ANO5: variants seen among roughly 807,000 people sequenced by gnomAD.
ANO5 encodes anoctamin 5.
A neutral mutation model predicts 121.0 loss-of-function variants in ANO5; 109 were observed. The ratio of observed to expected loss-of-function variants is 0.90; its 90% CI spans 0.77 to 1.06. The LOEUF (loss-of-function observed/expected upper bound fraction) is 1.06, where lower values mean the gene tolerates loss of function less well. Ranked by LOEUF, ANO5 falls within the 50% of genes least tolerant of loss-of-function variation. The pLI is 0.00. For missense variants in ANO5, 1,064 were observed against 1,078.5 expected, an observed-to-expected ratio of 0.99 and a Z score of 0.19; for synonymous variants, 406 against 359.9, an observed-to-expected ratio of 1.13 and a Z score of -1.45.
chr11:22,209,310 A>G (rs1590221712), intron 2 of ANO5, among the ~76,000 whole-genome samples: 1 of 151,920 alleles, frequency 6.6e-6, no homozygotes, highest in South Asian at 2.1e-4. Context: ...CATGATCACT[A>G]GAAAGTAACA....
At chr11:22,241,672 T>C (rs1216774463) in intron 9 of ANO5, among the ~76,000 whole-genome samples, 1 of 152,110 alleles carries the variant, frequency 6.6e-6, no homozygotes, top group African/African-American at 2.4e-5. Flanking sequence ...CATATGTTTG[T>C]TGGCTGCTTG....
rs777846432 is a variant in ANO5, at chr11:22,279,552, G to A, written c.2529G>A (p.Val843=). Reference sequence around the variant, plus strand: ...CTTTATATTTCCTCTAGCATGTTGTGTTTTTAGTTAAATTTTTGCTGGCCT... The same window carrying A: ...CTTTATATTTCCTCTAGCATGTTGTATTTTTAGTTAAATTTTTGCTGGCCT... ...MTFIIVMEHV[V]FLVKFLLAWM... Residue 843 remains valine (V), a synonymous_variant, in exon 22 of 22, where the codon GTG becomes GTA. Transcript: ENST00000324559. The A allele has an allele frequency of 1.9e-6, 3 of 1,611,016 alleles. No homozygotes were observed. Among genetic ancestry groups the A allele is most frequent in the East Asian group, 4.5e-5 (2 of 44,824 alleles).
chr11:22,239,655 C>T lies in ANO5; in HGVS notation c.849C>T (p.Phe283=). The change falls in exon 9 of 22, where the codon TTC becomes TTT. Residue 283 remains phenylalanine, a synonymous_variant. Transcript: ENST00000324559. ...AGAATTGGGCTCGATTTTCCTATTT[C>T]TACAAGGAGCAGCCTTTAGACTTGA... ...LHQNWARFSY[F]YKEQPLDLIK... The T allele has an allele frequency of 6.2e-7, 1 of 1,610,930 alleles. No individual in the cohort carries two copies. The highest frequency in any genetic ancestry group is 8.5e-7 in the Non-Finnish European group (1 of 1,177,348).
intron 17 of ANO5, among the ~76,000 whole-genome samples, chr11:22,265,698 C>A (rs991757237): frequency 1.3e-5 from 2 of 151,978 alleles, no homozygotes; most frequent in Non-Finnish European, 1.5e-5. Flanking sequence ...TTATTATAAT[C>A]AAAATATCAG....
intron 3 of ANO5, among the ~76,000 whole-genome samples, chr11:22,216,660 G>C (rs751496286): frequency 6.6e-6 from 1 of 151,774 alleles, no homozygotes; most frequent in African/African-American, 2.4e-5. Context: ...CGTTTACATA[G>C]TGTTTTTAGA....
At chr11:22,210,756 A>G (rs1210037797) in intron 2 of ANO5, among the ~76,000 whole-genome samples, 1 of 151,914 alleles carries the variant, frequency 6.6e-6, no homozygotes, top group East Asian at 1.9e-4. Context: ...AGAGGTTATA[A>G]ATTCAAATTA....
At position 22,218,115 on chromosome 11, in the gene ANO5, T is replaced by TCTCACACACACGCACA. The variant is rs56810580; in HGVS notation, c.139-130_139-129insTCACACACACGCACAC. The TCTCACACACACGCACA allele has an allele frequency of 6.6e-6, 4 of 607,672 alleles. No homozygotes were observed. The African/African-American group carries it at 7.4e-5, about 11-fold the overall frequency. The allele number at this position is 607,672 out of a possible 1,614,324, so 37.6% of individuals were successfully genotyped here. A position where few individuals can be genotyped will look rare whatever the true frequency, so the allele number is the denominator to read the frequency against. On this transcript the variant is annotated intron_variant, in intron 3 of 21. Transcript: ENST00000324559. ...AATTTGTATCCTCCAGTTTGAAATA[T>TCTCACACACACGCACA]CACACACACACACACACACACACAC...
chr11:22,250,789 A>G lies in ANO5; in HGVS notation c.1062A>G (p.Pro354=). The change falls in exon 11 of 22, where the codon CCA becomes CCG. Residue 354 remains proline, a synonymous_variant. Coordinates refer to ENST00000324559, the MANE Select transcript of ANO5 (RefSeq NM_213599.3). ...TTGGTGGTCAGATGATCATGTGCCC[A>G]CTCTGTGATCAAGTGTGTGATTATT... ...PEIGGQMIMC[P]LCDQVCDYWR... 1 of 1,613,930 alleles carries G rather than the reference A, an allele frequency of 6.2e-7. No individual in the cohort carries two copies. The highest frequency in any genetic ancestry group is 8.5e-7 in the Non-Finnish European group (1 of 1,179,938).
At position 22,221,137 on chromosome 11, in the gene ANO5, G is replaced by T; in HGVS notation, c.221G>T (p.Arg74Leu). 6.2e-7 allele frequency: 1 copy of T among 1,611,840 alleles called. No homozygotes were observed. The highest frequency in any genetic ancestry group is 1.1e-5 in the South Asian group (1 of 91,022). ...NQQSKDSIFF[R>L]DGIRQIDFVL... Reference sequence around the variant, plus strand: ...CAAAGCAAAGATTCTATCTTCTTCCGAGATGGGATTAGGCAAATTGATTTT... The same window carrying T: ...CAAAGCAAAGATTCTATCTTCTTCCTAGATGGGATTAGGCAAATTGATTTT... Residue 74 changes from arginine to leucine, a missense_variant, in exon 5 of 22, where the codon CGA becomes CTA. Arg to Leu is a moderately radical substitution (Grantham distance 102). Transcript: ENST00000324559.
chr11:22,238,185 A>T lies in ANO5; in HGVS notation c.763-1384A>T, dbSNP rs187168693. Among the ~76,000 whole-genome samples the T allele has an allele frequency of 6.7e-3, 1,026 of 152,152 alleles. 7 individuals carry two copies. Among genetic ancestry groups the T allele is most frequent in the African/African-American group, 0.023 (971 of 41,522 alleles). On this transcript the variant is annotated intron_variant, in intron 8 of 21. Transcript: ENST00000324559. ...AGGAGATTATAGATTCTAAATACTA[A>T]CATGGACGTTTGGTAAAGCAGAAAG...
intron 9 of ANO5, among the ~76,000 whole-genome samples, chr11:22,249,420 T>G (rs1853725303): frequency 6.6e-6 from 1 of 152,064 alleles, no homozygotes; most frequent in African/African-American, 2.4e-5. Context: ...CCTAGGAAAC[T>G]GTGGAAAGAC....
At chr11:22,271,942 C>T (rs1000068463) in intron 18 of ANO5, among the ~76,000 whole-genome samples, 16 of 151,848 alleles carry the variant, frequency 1.1e-4, no homozygotes, top group Non-Finnish European at 1.6e-4. Flanking sequence ...CTTGATAAGA[C>T]GGATTCAGTC....
chr11:22,269,672 T>C (rs1483463395), intron 17 of ANO5, among the ~76,000 whole-genome samples: 2 of 152,130 alleles, frequency 1.3e-5, no homozygotes, highest in Non-Finnish European at 2.9e-5. Flanking sequence ...TTTTCTTTCC[T>C]AAGTAGGTTT....
intron 3 of ANO5, among the ~76,000 whole-genome samples, chr11:22,215,806 C>T (rs1317239080): frequency 2.0e-5 from 3 of 151,680 alleles, no homozygotes; most frequent in African/African-American, 7.3e-5. Context: ...CAAAAATTTC[C>T]CTTTAGCGGT....
At chr11:22,263,934 G>A (rs941334253) in intron 17 of ANO5, among the ~76,000 whole-genome samples, 1 of 151,776 alleles carries the variant, frequency 6.6e-6, no homozygotes, top group Non-Finnish European at 1.5e-5. Flanking sequence ...AGAAGAACAT[G>A]GACTTATCCT....
At chr11:22,221,045 C>A in intron 4 of ANO5, 52 bp from the exon 5 acceptor site, 1 of 1,327,238 alleles carries the variant, frequency 7.5e-7, no homozygotes, top group Non-Finnish European at 1.1e-6. Flanking sequence ...GTGCTTTTGC[C>A]ATTTCAGAAT....
intron 3 of ANO5, 47 bp from the exon 4 acceptor site, chr11:22,218,199 T>C: frequency 1.9e-6 from 3 of 1,610,040 alleles, no homozygotes; most frequent in Non-Finnish European, 2.5e-6. Flanking sequence ...GAATCTTTAC[T>C]GTAATTCTGG....
intron 1 of ANO5, among the ~76,000 whole-genome samples, chr11:22,200,023 G>A (rs1157376641): frequency 6.6e-6 from 1 of 152,022 alleles, no homozygotes; most frequent in East Asian, 1.9e-4. Context: ...GTAACATCAT[G>A]TATTGCTTAT....
Position 22,269,605 on chromosome 11 carries a change from C to T in ANO5, c.1899-707C>T, listed in dbSNP as rs561049274. 1.7e-3 allele frequency among the ~76,000 whole-genome samples: 251 copies of T among 151,202 alleles called. 2 individuals are homozygous for T. The highest frequency in any genetic ancestry group is 6.0e-3 in the African/African-American group (246 of 41,222). On this transcript the variant is annotated intron_variant, in intron 17 of 21. Transcript: ENST00000324559. ...AAAGAAAGAGAAAGAAAGAGTTTGCCCTAGGATTTTAGTAGATATTTCTGA... is the reference window on the plus strand; with the variant it reads ...AAAGAAAGAGAAAGAAAGAGTTTGCTCTAGGATTTTAGTAGATATTTCTGA...
Sources: allele counts gnomAD v4.1 joint callset (sites outside exome capture counted in the v4.1 genomes callset), GRCh38; gene constraint gnomAD v4.1.1; transcripts MANE v1.5; gene names NCBI Gene and HGNC (gene_info 2026-07-23, HGNC 2026-07-21).